DAZAP1: variants seen among roughly 807,000 people sequenced by gnomAD.
DAZAP1 encodes DAZ-associated protein 1.
Under a neutral mutation model 60.1 loss-of-function variants are expected in DAZAP1, and 6 were observed. That is an observed-to-expected ratio of 0.10 (90% CI 0.05 to 0.20). The LOEUF is 0.20. Among genes scored for constraint, DAZAP1 ranks in the 10% least tolerant of loss-of-function variants. The probability of loss-of-function intolerance (pLI) is 1.00; values close to 1 mark genes in which losing one functional copy is unlikely to be tolerated. For synonymous variants in DAZAP1, 235 were observed against 215.9 expected (o/e 1.09, Z -0.78); for missense variants, 366 against 560.4 (o/e 0.65, Z 3.50).
chr19:1,433,578 G>C lies in DAZAP1; in HGVS notation c.1048+888G>C, dbSNP rs889293732. On this transcript the variant is annotated intron_variant, in intron 11 of 11. Transcript: ENST00000233078. This position sits in a 1 kb window ranked among gnomAD's most constrained non-coding sequence, Gnocchi z 6.1. Reference sequence around the variant, plus strand: ...CCCCACGCCCAGGCCTTGGGCCGAGGTTGCCGCATGTGTGGGTTCTTGACC... The same window carrying C: ...CCCCACGCCCAGGCCTTGGGCCGAGCTTGCCGCATGTGTGGGTTCTTGACC... The C allele has an allele frequency of 6.5e-6, 4 of 610,836 alleles. No individual in the cohort carries two copies. The African/African-American group carries it at 7.4e-5, about 11-fold the overall frequency. 37.8% of individuals were successfully genotyped at this position (610,836 alleles called of 1,614,324 possible).
intron 1 of DAZAP1, among the ~76,000 whole-genome samples, chr19:1,411,602 C>T (rs969683499): frequency 2.6e-5 from 4 of 152,196 alleles, no homozygotes; most frequent in Non-Finnish European, 5.9e-5. Context: ...CAGCATGGAC[C>T]CTGGCGCTTG....
At position 1,407,738 on chromosome 19, in the gene DAZAP1, G is replaced by C. The variant is rs948734883; in HGVS notation, c.-36G>C. On this transcript the variant is annotated 5_prime_UTR_variant, in exon 1 of 12. Coordinates refer to ENST00000233078, the MANE Select transcript of DAZAP1 (RefSeq NM_018959.4). ...TTCCGGAGGCGGGAGCGAGCGAGGA[G>C]GCCCGGGAGCGCCGAGCGTCGCCGC... The C allele has an allele frequency of 2.8e-6, 3 of 1,081,028 alleles. No homozygotes were observed. The highest frequency in any genetic ancestry group is 5.7e-5 in the East Asian group (1 of 17,402). The allele number at this position is 1,081,028 out of a possible 1,614,324, so 67.0% of individuals were successfully genotyped here. A position where few individuals can be genotyped will look rare whatever the true frequency, so the allele number is the denominator to read the frequency against.
In DAZAP1 at chr19:1,434,497, T is replaced by C. The variant is rs2083544430; in HGVS notation, c.1049-240T>C. On this transcript the variant is annotated intron_variant, in intron 11 of 11. Coordinates refer to ENST00000233078, the MANE Select transcript of DAZAP1 (RefSeq NM_018959.4). The surrounding 1 kb of genome is among the most constrained non-coding windows in gnomAD (Gnocchi z 8.0). ...GGAAGCGGTGAGGTTACGTGGGCCA[T>C]GGAGGGCTCTGGAAGCCGCTTTTCT... is the stretch of plus-strand genomic sequence containing the variant. 4.1e-6 allele frequency: 2 copies of C among 487,314 alleles called. No individual in the cohort carries two copies. Among genetic ancestry groups the C allele is most frequent in the South Asian group, 2.4e-5 (1 of 40,972 alleles). 30.2% of individuals were successfully genotyped at this position (487,314 alleles called of 1,614,324 possible). A position where few individuals can be genotyped will look rare whatever the true frequency, so the allele number is the denominator to read the frequency against.
rs1013180793 is a variant in DAZAP1, at chr19:1,422,044, C to T, written c.415-304C>T. ...GTCCCCTGCTAGGATGCGTGGTCGG[C>T]GTTGTTGGCCCTTCATGTCCGTCAG... On this transcript the variant is annotated intron_variant, in intron 5 of 11. Coordinates refer to ENST00000233078, the MANE Select transcript of DAZAP1 (RefSeq NM_018959.4). This position sits in a 1 kb window ranked among gnomAD's most constrained non-coding sequence, Gnocchi z 4.5. 1.3e-5 allele frequency among the ~76,000 whole-genome samples: 2 copies of T among 152,126 alleles called. No homozygotes were observed. The highest frequency in any genetic ancestry group is 4.8e-5 in the African/African-American group (2 of 41,420).
At chr19:1,413,984 G>A (rs1249846740) in intron 1 of DAZAP1, among the ~76,000 whole-genome samples, 2 of 134,694 alleles carry the variant, frequency 1.5e-5, no homozygotes, top group African/African-American at 3.0e-5. Context: ...CCCACCCCCA[G>A]TGAACTGTGT....
At position 1,434,812 on chromosome 19, in the gene DAZAP1, G is replaced by A. The variant is rs143612423; in HGVS notation, c.1124G>A (p.Gly375Asp). ...DPSQQPPSYG[G>D]PSVPGSGGPP... is the part of the protein sequence containing the mutation. ...AGCCAGCAGCCTCCTTCCTACGGGG[G>A]TCCCTCCGTGCCAGGGTCGGGGGGC... The change falls in exon 12 of 12, where the codon GGT (glycine) becomes GAT (aspartate). Residue 375 changes from glycine to aspartate, a missense_variant. Gly to Asp is a moderately conservative substitution (Grantham distance 94). Around this residue, in one of 3 missense-constraint regions of DAZAP1, gnomAD observed 240 missense variants for 308.8 expected, o/e 0.78. Transcript: ENST00000233078. The surrounding 1 kb of genome is among the most constrained non-coding windows in gnomAD (Gnocchi z 8.0). The A allele has an allele frequency of 1.2e-5, 19 of 1,611,320 alleles. No individual in the cohort carries two copies. Among genetic ancestry groups the A allele is most frequent in the Non-Finnish European group, 1.5e-5 (18 of 1,178,980 alleles).
intron 1 of DAZAP1, among the ~76,000 whole-genome samples, chr19:1,408,079 C>T (rs1023127003): frequency 6.6e-6 from 1 of 151,924 alleles, no homozygotes; most frequent in Non-Finnish European, 1.5e-5. Flanking sequence ...CCCGCCGCCG[C>T]CTCCAGACTT....
At position 1,434,902 on chromosome 19, in the gene DAZAP1, A is replaced by G; in HGVS notation, c.1214A>G (p.Tyr405Cys). 1 of 1,487,900 alleles carries G rather than the reference A, an allele frequency of 6.7e-7. No homozygotes were observed. The highest frequency in any genetic ancestry group is 8.9e-7 in the Non-Finnish European group (1 of 1,118,330). The allele number at this position is 1,487,900 out of a possible 1,614,324, so 92.2% of individuals were successfully genotyped here. A position where few individuals can be genotyped will look rare whatever the true frequency, so the allele number is the denominator to read the frequency against. Reference sequence around the variant, plus strand: ...CACAACGTGCAAGGGTTCCACCCCTACCGACGCTAGCCCGCGGCGCCGCGA... The same window carrying G: ...CACAACGTGCAAGGGTTCCACCCCTGCCGACGCTAGCCCGCGGCGCCGCGA... ...QNHNVQGFHP[Y>C]RR Residue 405 changes from tyrosine to cysteine, a missense_variant, in exon 12 of 12, where the codon TAC (tyrosine) becomes TGC (cysteine). Tyr to Cys is a radical substitution (Grantham distance 194, BLOSUM62 -2). Transcript: ENST00000233078. This position sits in a 1 kb window ranked among gnomAD's most constrained non-coding sequence, Gnocchi z 8.0.
intron 1 of DAZAP1, chr19:1,417,093 C>T (rs532072212): frequency 9.1e-6 from 2 of 220,198 alleles, no homozygotes; most frequent in South Asian, 1.0e-4. Context: ...GTTTACTGTG[C>T]ATCATTTCAG....
At position 1,425,685 on chromosome 19, in the gene DAZAP1, G is replaced by A. The variant is rs767749134; in HGVS notation, c.464-193G>A. Among the ~76,000 whole-genome samples, 4 of 152,234 alleles carry A rather than the reference G, an allele frequency of 2.6e-5. No individual in the cohort carries two copies. The highest frequency in any genetic ancestry group is 2.9e-5 in the Non-Finnish European group (2 of 68,032). ...CGTCACCGGGAGTGCGGACGTCACC[G>A]TCTGTCCACTCCGTGTGCAGTCGAG... On this transcript the variant is annotated intron_variant, in intron 6 of 11. Coordinates refer to ENST00000233078, the MANE Select transcript of DAZAP1 (RefSeq NM_018959.4). This position sits in a 1 kb window ranked among gnomAD's most constrained non-coding sequence, Gnocchi z 5.4.
intron 1 of DAZAP1, among the ~76,000 whole-genome samples, chr19:1,412,838 G>A (rs1334260725): frequency 6.6e-6 from 1 of 152,236 alleles, no homozygotes; most frequent in Non-Finnish European, 1.5e-5. Context: ...CAGGCTTGCA[G>A]ATCCTGGGAG....
chr19:1,430,869 C>T (rs1050747033), intron 10 of DAZAP1, among the ~76,000 whole-genome samples: 6 of 151,292 alleles, frequency 4.0e-5, no homozygotes, highest in Admixed American at 2.0e-4. Context: ...TACAGGCGCT[C>T]GCCACCACGC....
At chr19:1,415,645 C>T (rs905079744) in intron 1 of DAZAP1, 1 of 151,844 alleles carries the variant, frequency 6.6e-6, no homozygotes. Flanking sequence ...AGGCCTCGCT[C>T]CTCCCACGGT....
In DAZAP1 at chr19:1,434,037, A is replaced by C; in HGVS notation, c.1049-700A>C. The C allele has an allele frequency of 6.9e-6, 4 of 578,262 alleles. No homozygotes were observed. The highest frequency in any genetic ancestry group is 9.2e-6 in the Non-Finnish European group (3 of 324,340). The allele number at this position is 578,262 out of a possible 1,614,324, so 35.8% of individuals were successfully genotyped here. A position where few individuals can be genotyped will look rare whatever the true frequency, so the allele number is the denominator to read the frequency against. On this transcript the variant is annotated intron_variant, in intron 11 of 11. Transcript: ENST00000233078. This position sits in a 1 kb window ranked among gnomAD's most constrained non-coding sequence, Gnocchi z 8.0. ...CCCACCTGTGCCCACGTGCACCCGA[A>C]TGGGAACCCAGAGGTCGTGGGAGGG...
chr19:1,407,742 C>A lies in DAZAP1; in HGVS notation c.-32C>A. 1 of 1,081,504 alleles carries A rather than the reference C, an allele frequency of 9.2e-7. No individual in the cohort carries two copies. Among genetic ancestry groups the A allele is most frequent in the Non-Finnish European group, 1.1e-6 (1 of 893,526 alleles). The allele number at this position is 1,081,504 out of a possible 1,614,324, so 67.0% of individuals were successfully genotyped here. ...GGAGGCGGGAGCGAGCGAGGAGGCC[C>A]GGGAGCGCCGAGCGTCGCCGCCGCC... On this transcript the variant is annotated 5_prime_UTR_variant, in exon 1 of 12. Transcript: ENST00000233078.
In DAZAP1 at chr19:1,426,008, G is replaced by A; in HGVS notation, c.546+48G>A. On this transcript the variant is annotated intron_variant, in intron 7 of 11. Transcript: ENST00000233078. This position sits in a 1 kb window ranked among gnomAD's most constrained non-coding sequence, Gnocchi z 5.4. The stretch of plus-strand genomic sequence containing the variant: ...TACCTTAAGACCAAACCAAGTCTTA[G>A]GCAACTTAGGGGTTTCACTGGAAAG... 1 of 1,291,058 alleles carries A rather than the reference G, an allele frequency of 7.7e-7. No individual in the cohort carries two copies. The highest frequency in any genetic ancestry group is 1.1e-6 in the Non-Finnish European group (1 of 885,310). The allele number at this position is 1,291,058 out of a possible 1,614,324, so 80.0% of individuals were successfully genotyped here. A position where few individuals can be genotyped will look rare whatever the true frequency, so the allele number is the denominator to read the frequency against.
At chr19:1,419,628 G>T (rs2083087982) in intron 4 of DAZAP1, among the ~76,000 whole-genome samples, 1 of 152,160 alleles carries the variant, frequency 6.6e-6, no homozygotes, top group Non-Finnish European at 1.5e-5. Flanking sequence ...TTTCAGACTG[G>T]AATCCAAGGT....
In DAZAP1 at chr19:1,432,314, A is replaced by T; in HGVS notation, c.872-200A>T. ...CTCAGCATCCCGCCACGCTCCCAGG[A>T]GTGTGTGTTTCCTGGGGGGAGCGGC... On this transcript the variant is annotated intron_variant, in intron 10 of 11. Coordinates refer to ENST00000233078, the MANE Select transcript of DAZAP1 (RefSeq NM_018959.4). This position sits in a 1 kb window ranked among gnomAD's most constrained non-coding sequence, Gnocchi z 4.9. The T allele has an allele frequency of 1.6e-6, 1 of 624,700 alleles. No homozygotes were observed. Among genetic ancestry groups the T allele is most frequent in the East Asian group, 2.8e-5 (1 of 35,922 alleles). The allele number at this position is 624,700 out of a possible 1,614,324, so 38.7% of individuals were successfully genotyped here. A position where few individuals can be genotyped will look rare whatever the true frequency, so the allele number is the denominator to read the frequency against.
Position 1,418,093 on chromosome 19 carries a change from C to T in DAZAP1, c.71-111C>T. 1 of 1,148,616 alleles carries T rather than the reference C, an allele frequency of 8.7e-7. No individual in the cohort carries two copies. The highest frequency in any genetic ancestry group is 1.3e-6 in the Non-Finnish European group (1 of 789,512). The allele number at this position is 1,148,616 out of a possible 1,614,324, so 71.2% of individuals were successfully genotyped here. A position where few individuals can be genotyped will look rare whatever the true frequency, so the allele number is the denominator to read the frequency against. ...ACCCCCCACCCCCAGTGCAGCATCG[C>T]TCGGTGCGTGGCTGGTGGACTGGAG... is the stretch of plus-strand genomic sequence containing the variant. On this transcript the variant is annotated intron_variant, in intron 2 of 11. Transcript: ENST00000233078. This position sits in a 1 kb window ranked among gnomAD's most constrained non-coding sequence, Gnocchi z 5.7.
Sources: allele counts gnomAD v4.1 joint callset (sites outside exome capture counted in the v4.1 genomes callset), GRCh38; gene constraint gnomAD v4.1.1; regional missense constraint gnomAD v4.1.1; non-coding constraint Gnocchi (gnomAD v3.1); transcripts MANE v1.5; gene names NCBI Gene and HGNC (gene_info 2026-07-23, HGNC 2026-07-21).